LRRC63: variants seen among roughly 807,000 people sequenced by gnomAD.
LRRC63 encodes the protein leucine-rich repeat-containing protein 63.
A neutral mutation model predicts 49.5 loss-of-function variants in LRRC63; 40 were observed. The observed-to-expected ratio is 0.81, with a 90% CI of 0.63 to 1.05. The LOEUF is 1.05. LRRC63 is among the 50% of genes least tolerant of loss of function. The pLI is 0.00. For synonymous variants in LRRC63, 191 were observed against 221.1 expected (o/e 0.86, Z 1.21); for missense variants, 636 against 663.1 (o/e 0.96, Z 0.45).
At chr13:46,249,350 T>TA (rs1298134276) in intron 6 of LRRC63, among the ~76,000 whole-genome samples, 1 of 151,740 alleles carries the variant, frequency 6.6e-6, no homozygotes, top group East Asian at 1.9e-4. Context: ...TTATTACTTT[T>TA]AAAAAATCAA....
At chr13:46,242,311 T>C (rs1464553918) in intron 5 of LRRC63, among the ~76,000 whole-genome samples, 2 of 151,944 alleles carry the variant, frequency 1.3e-5, no homozygotes, top group African/African-American at 2.4e-5. Flanking sequence ...CCGGATCCTA[T>C]TGGAAGGTGG....
chr13:46,222,724 G>T (rs905755730), intron 2 of LRRC63, among the ~76,000 whole-genome samples: 1 of 151,548 alleles, frequency 6.6e-6, no homozygotes, highest in Non-Finnish European at 1.5e-5. Flanking sequence ...TATACCCAAA[G>T]GACTATAAAT....
chr13:46,242,089 A>T (rs1391701192), intron 5 of LRRC63, among the ~76,000 whole-genome samples: 2 of 152,244 alleles, frequency 1.3e-5, no homozygotes, highest in Non-Finnish European at 2.9e-5. Flanking sequence ...GATAGACTGG[A>T]TAAAGAAAAT....
At chr13:46,218,986 G>T (rs891178209) in intron 2 of LRRC63, among the ~76,000 whole-genome samples, 5 of 152,144 alleles carry the variant, frequency 3.3e-5, no homozygotes, top group African/African-American at 1.2e-4. Context: ...TAGTCTGATG[G>T]ACTTCCCTTT....
chr13:46,260,013 C>T (rs1417785985), intron 7 of LRRC63, among the ~76,000 whole-genome samples: 2 of 152,182 alleles, frequency 1.3e-5, no homozygotes, highest in Non-Finnish European at 2.9e-5. Context: ...AGATTTGGTA[C>T]TGGTGGGACA....
intron 9 of LRRC63, among the ~76,000 whole-genome samples, 167 bp from the exon 10 acceptor site, chr13:46,276,423 T>G (rs555018825): frequency 2.6e-5 from 4 of 152,206 alleles, no homozygotes; most frequent in African/African-American, 7.2e-5. Context: ...CCTACTTTAT[T>G]GTTCAGCTTT....
chr13:46,265,620 T>C (rs1407149337), intron 8 of LRRC63, among the ~76,000 whole-genome samples: 1 of 152,164 alleles, frequency 6.6e-6, no homozygotes, highest in Non-Finnish European at 1.5e-5. Context: ...AGTCACCTCC[T>C]AAAGGCCCCA....
intron 5 of LRRC63, 130 bp downstream of exon 5, chr13:46,234,479 A>G: frequency 2.3e-6 from 2 of 856,064 alleles, no homozygotes; most frequent in Admixed American, 3.3e-5. Context: ...TTTCTTAGGA[A>G]CACATTCAAA....
chr13:46,269,186 A>G (rs2047721835), intron 9 of LRRC63, among the ~76,000 whole-genome samples: 1 of 151,484 alleles, frequency 6.6e-6, no homozygotes, highest in Non-Finnish European at 1.5e-5. Context: ...GAAAAGGAGA[A>G]GATCCAAAAT....
Position 46,226,857 on chromosome 13 carries a change from T to C in LRRC63, c.86-655T>C, listed in dbSNP as rs140730015. ...CATTTGAATGTACAGATCCTCATCA[T>C]TTATTGCACTCAGCTGAGAGAACAG... On this transcript the variant is annotated intron_variant, in intron 2 of 9. Transcript: ENST00000595396. 6.1e-3 allele frequency among the ~76,000 whole-genome samples: 927 copies of C among 152,328 alleles called. 3 individuals are homozygous for C. The highest frequency in any genetic ancestry group is 9.3e-3 in the Non-Finnish European group (634 of 68,028).
At chr13:46,258,129 T>TTTC (rs894879692) in intron 7 of LRRC63, among the ~76,000 whole-genome samples, 6 of 147,768 alleles carry the variant, frequency 4.1e-5, no homozygotes, top group African/African-American at 1.5e-4. Context: ...CTACTCTTTT[T>TTTC]TTTTTTTTTT....
At chr13:46,232,357 C>T (rs944226885) in intron 4 of LRRC63, among the ~76,000 whole-genome samples, 1 of 152,210 alleles carries the variant, frequency 6.6e-6, no homozygotes, top group East Asian at 1.9e-4. Context: ...ATGTATAGAA[C>T]AAGACTCCAA....
chr13:46,273,928 A>G (rs1474207886), intron 9 of LRRC63, among the ~76,000 whole-genome samples: 1 of 151,832 alleles, frequency 6.6e-6, no homozygotes, highest in Non-Finnish European at 1.5e-5. Flanking sequence ...AAAAAAAAAA[A>G]AGTACCAAGA....
intron 9 of LRRC63, among the ~76,000 whole-genome samples, chr13:46,272,242 CTG>C (rs753969368): frequency 6.6e-6 from 1 of 152,116 alleles, no homozygotes; most frequent in Non-Finnish European, 1.5e-5. Flanking sequence ...ATAACTGAAA[CTG>C]TGGAAAGCAA....
At chr13:46,243,742 G>T (rs2047131939) in intron 5 of LRRC63, among the ~76,000 whole-genome samples, 1 of 152,312 alleles carries the variant, frequency 6.6e-6, no homozygotes, top group African/African-American at 2.4e-5. Flanking sequence ...CTCCCAAAGT[G>T]CTGGGATAAC....
chr13:46,276,696 G>A (rs762056530), exon 10 of LRRC63: 169 of 1,230,000 alleles, frequency 1.4e-4, no homozygotes, highest in Admixed American at 3.4e-4. Flanking sequence ...TATGTTTTAT[G>A]TCTGTTCTCC....
At position 46,247,868 on chromosome 13, in the gene LRRC63, A is replaced by G. The variant is rs964024062; in HGVS notation, c.1089+1243A>G. Reference sequence around the variant, plus strand: ...GATTAATATAGCAAACTCTATATACATATACTTGGTCTTCTTCTCTAAGAT... The same window carrying G: ...GATTAATATAGCAAACTCTATATACGTATACTTGGTCTTCTTCTCTAAGAT... On this transcript the variant is annotated intron_variant, in intron 6 of 9. Transcript: ENST00000595396. 7.9e-5 allele frequency among the ~76,000 whole-genome samples: 12 copies of G among 152,242 alleles called. No homozygotes were observed. In the East Asian group the frequency reaches 2.1e-3, roughly 27 times the overall value.
intron 4 of LRRC63, among the ~76,000 whole-genome samples, chr13:46,233,393 C>T (rs1383591774): frequency 6.6e-6 from 1 of 152,154 alleles, no homozygotes; most frequent in African/African-American, 2.4e-5. Flanking sequence ...GAAATGGGCA[C>T]AGAGGTTCTA....
intron 8 of LRRC63, among the ~76,000 whole-genome samples, chr13:46,264,782 G>A (rs1179050070): frequency 1.3e-5 from 2 of 152,180 alleles, no homozygotes; most frequent in Non-Finnish European, 2.9e-5. Flanking sequence ...AAAGTGAGTG[G>A]TGGATGAGGA....
Sources: allele counts gnomAD v4.1 joint callset (sites outside exome capture counted in the v4.1 genomes callset), GRCh38; gene constraint gnomAD v4.1.1; transcripts MANE v1.5; gene names NCBI Gene and HGNC (gene_info 2026-07-23, HGNC 2026-07-21).